The following ZNF407 variants were observed in gnomAD, a reference collection of about 807,000 sequenced individuals.
ZNF407 encodes the protein zinc finger protein 407.
In ZNF407, 17 loss-of-function variants were observed where a neutral mutation model predicts 131.2. That is an observed-to-expected ratio of 0.13 (90% CI 0.09 to 0.19). ZNF407 has a LOEUF of 0.19. ZNF407 is among the 10% of genes least tolerant of loss of function. The pLI is 1.00. For missense variants in ZNF407, 2,681 were observed against 2,830.6 expected (o/e 0.95, Z 1.20); for synonymous variants, 1,156 against 1,062.0 (o/e 1.09, Z -1.72).
intron 3 of ZNF407, among the ~76,000 whole-genome samples, chr18:74,694,268 T>C (rs1053999848): frequency 6.6e-6 from 1 of 152,130 alleles, no homozygotes; most frequent in African/African-American, 2.4e-5. Context: ...CTAGGGATAG[T>C]TAAGCTCAAT....
chr18:74,840,628 C>G (rs541458743), intron 4 of ZNF407, among the ~76,000 whole-genome samples: 1 of 152,256 alleles, frequency 6.6e-6, no homozygotes, highest in Non-Finnish European at 1.5e-5. Context: ...CTCCTCCCAC[C>G]TCAGCTCCCC....
chr18:74,633,489 T>G lies in ZNF407; in HGVS notation c.2470T>G (p.Ser824Ala). Residue 824 changes from serine (S) to alanine (A), a missense_variant, in exon 2 of 9, where the codon TCT becomes GCT. By Grantham distance (99) the Ser-to-Ala change is moderately conservative. Coordinates refer to ENST00000299687, the MANE Select transcript of ZNF407 (RefSeq NM_017757.3). ...GCTGGCGTCTGAGGAACTGTCACAG[T>G]CTGGTGGTAGCACCAAAGATGATGA... is the stretch of plus-strand genomic sequence containing the variant. ...GMLASEELSQ[S>A]GGSTKDDELA... The G allele has an allele frequency of 1.2e-6, 2 of 1,613,936 alleles. No individual in the cohort carries two copies. Among genetic ancestry groups the G allele is most frequent in the Non-Finnish European group, 1.7e-6 (2 of 1,179,846 alleles).
chr18:75,004,389 G>T (rs1027495846), intron 8 of ZNF407, among the ~76,000 whole-genome samples: 1 of 152,110 alleles, frequency 6.6e-6, no homozygotes, highest in Non-Finnish European at 1.5e-5. Flanking sequence ...CATTTACCAC[G>T]TCTCTGATTC....
chr18:74,621,983 C>T (rs754873389), intron 1 of ZNF407, among the ~76,000 whole-genome samples: 4 of 152,136 alleles, frequency 2.6e-5, no homozygotes, highest in African/African-American at 9.7e-5. Flanking sequence ...CCACTGTTAT[C>T]TAGTGAATGG....
chr18:74,693,628 G>A (rs1967282236), intron 3 of ZNF407, among the ~76,000 whole-genome samples: 1 of 152,078 alleles, frequency 6.6e-6, no homozygotes. Flanking sequence ...TATATATCAT[G>A]TTTCTGTTCA....
intron 8 of ZNF407, among the ~76,000 whole-genome samples, chr18:75,006,742 C>T (rs1329959254): frequency 6.6e-6 from 1 of 152,118 alleles, no homozygotes; most frequent in Non-Finnish European, 1.5e-5. Context: ...GTCTTGCAAT[C>T]ATCTATATCC....
chr18:74,966,000 A>C (rs1972405471), intron 8 of ZNF407, among the ~76,000 whole-genome samples: 2 of 152,132 alleles, frequency 1.3e-5, no homozygotes, highest in African/African-American at 4.8e-5. Context: ...CCCATTTTAA[A>C]ATCAGATTAT....
At chr18:74,940,145 G>A (rs1404058883) in intron 8 of ZNF407, among the ~76,000 whole-genome samples, 3 of 152,204 alleles carry the variant, frequency 2.0e-5, no homozygotes, top group African/African-American at 4.8e-5. Flanking sequence ...GCTCCATGTA[G>A]GGATCAACTT....
Position 74,682,523 on chromosome 18 carries a change from G to A in ZNF407, c.4802+41401G>A, listed in dbSNP as rs995823143. On this transcript the variant is annotated intron_variant, in intron 3 of 8. Coordinates refer to ENST00000299687, the MANE Select transcript of ZNF407 (RefSeq NM_017757.3). ...GCCCTGGTTTAACATTTCTAGGCTA[G>A]TTTAGTTTTCTAAGGTGTGTAAGTA... 2.0e-5 allele frequency among the ~76,000 whole-genome samples: 3 copies of A among 152,194 alleles called. No homozygotes were observed. The East Asian group carries it at 5.8e-4, about 29-fold the overall frequency.
At chr18:75,041,368 CCT>C (rs554804639) in intron 8 of ZNF407, among the ~76,000 whole-genome samples, 2 of 152,146 alleles carry the variant, frequency 1.3e-5, no homozygotes, top group African/African-American at 2.4e-5. Context: ...GGGTTTCCCC[CCT>C]TTCTTCAACC....
intron 8 of ZNF407, among the ~76,000 whole-genome samples, chr18:74,942,321 T>A (rs1168866608): frequency 2.0e-5 from 3 of 152,210 alleles, no homozygotes; most frequent in Admixed American, 6.5e-5. Flanking sequence ...CTTCTTTATC[T>A]TGGATGATCT....
chr18:74,764,269 A>T (rs899429179), intron 3 of ZNF407, among the ~76,000 whole-genome samples: 13 of 152,122 alleles, frequency 8.5e-5, no homozygotes, highest in African/African-American at 3.1e-4. Flanking sequence ...TTTCATTTTT[A>T]AAAACCTATG....
At chr18:74,770,297 C>A (rs530165254) in intron 3 of ZNF407, among the ~76,000 whole-genome samples, 15 of 152,078 alleles carry the variant, frequency 9.9e-5, no homozygotes, top group African/African-American at 3.4e-4. Flanking sequence ...ACTTGGGAGG[C>A]TGAAGTGGGA....
chr18:74,743,016 G>A (rs1968586146), intron 3 of ZNF407, among the ~76,000 whole-genome samples: 2 of 152,120 alleles, frequency 1.3e-5, no homozygotes, highest in Admixed American at 6.6e-5. Flanking sequence ...TAGATTCAGG[G>A]GTGTGAGGAG....
chr18:74,697,621 C>T (rs956796421), intron 3 of ZNF407, among the ~76,000 whole-genome samples: 3 of 151,766 alleles, frequency 2.0e-5, no homozygotes, highest in Non-Finnish European at 4.4e-5. Flanking sequence ...GTATTTGTGC[C>T]ATAGAATTGT....
At chr18:74,732,181 T>A (rs1300898287) in intron 3 of ZNF407, among the ~76,000 whole-genome samples, 1 of 152,212 alleles carries the variant, frequency 6.6e-6, no homozygotes, top group Non-Finnish European at 1.5e-5. Context: ...TTTCTGTACA[T>A]CTTGGGAAAA....
chr18:74,882,284 T>A (rs185396691), intron 6 of ZNF407, among the ~76,000 whole-genome samples: 55 of 152,344 alleles, frequency 3.6e-4, no homozygotes, highest in African/African-American at 1.2e-3. Context: ...TGGTTTCTTG[T>A]AATTATTAAT....
At chr18:74,657,627 G>A (rs1464732973) in intron 3 of ZNF407, among the ~76,000 whole-genome samples, 1 of 152,168 alleles carries the variant, frequency 6.6e-6, no homozygotes, top group Non-Finnish European at 1.5e-5. Flanking sequence ...AGCTGAGAGA[G>A]AACTAACTGG....
intron 4 of ZNF407, among the ~76,000 whole-genome samples, chr18:74,805,523 T>C (rs948269141): frequency 7.2e-5 from 11 of 152,228 alleles, no homozygotes; most frequent in African/African-American, 2.4e-4. Context: ...CATTATCTGA[T>C]TTTTTGATTC....
Sources: gnomAD v4.1 joint callset for allele counts (sites outside exome capture counted in the v4.1 genomes callset) on GRCh38, gnomAD v4.1.1 for gene constraint, MANE v1.5 for transcripts, NCBI Gene and HGNC (gene_info 2026-07-23, HGNC 2026-07-21) for gene names.